Variants in LINGO2 observed in about 807,000 individuals in gnomAD.
LINGO2 encodes the protein leucine-rich repeat and immunoglobulin-like domain-containing nogo receptor-interacting protein 2.
Under a neutral mutation model 30.6 loss-of-function variants are expected in LINGO2, and 14 were observed. That is an observed-to-expected ratio of 0.46 (90% CI 0.30 to 0.72). The LOEUF (loss-of-function observed/expected upper bound fraction) is 0.72, where lower values mean the gene tolerates loss of function less well. Ranked by LOEUF, LINGO2 falls within the 30% of genes least tolerant of loss-of-function variation. The pLI, the probability that LINGO2 is intolerant of heterozygous loss-of-function variation, is 0.07. For synonymous variants in LINGO2, 317 were observed against 288.5 expected, an observed-to-expected ratio of 1.10 and a Z score of -1.00; for missense variants, 729 against 751.7, an observed-to-expected ratio of 0.97 and a Z score of 0.35.
chr9:28,382,161 G>T (rs2134635304), intron 2 of LINGO2, among the ~76,000 whole-genome samples: 1 of 152,136 alleles, frequency 6.6e-6, no homozygotes, highest in African/African-American at 2.4e-5. Context: ...GTAATAGATA[G>T]TACTTGGCAT....
intron 5 of LINGO2, among the ~76,000 whole-genome samples, chr9:27,985,857 T>C (rs138274471): frequency 1.5e-3 from 226 of 151,858 alleles, no homozygotes; most frequent in African/African-American, 5.3e-3. Context: ...AAAATTGCAA[T>C]GGTGAGAGGT....
At chr9:28,483,510 C>T (rs529912014) in intron 1 of LINGO2, among the ~76,000 whole-genome samples, 2 of 150,726 alleles carry the variant, frequency 1.3e-5, no homozygotes, top group African/African-American at 4.9e-5. Flanking sequence ...CTGTTTTAAA[C>T]CTAAATATGA....
At position 28,144,867 on chromosome 9, in the gene LINGO2, T is replaced by C. The variant is rs781754096; in HGVS notation, c.-86-132462A>G. Among the ~76,000 whole-genome samples the C allele has an allele frequency of 2.3e-4, 35 of 152,356 alleles. No individual in the cohort carries two copies. The Middle Eastern group carries it at 0.01, about 44-fold the overall frequency. ...ATGTAAAGAAGATTGAGATCAGTGA[T>C]TGAGTTGCATCCCAGTTACAAAAAC... On this transcript the variant is annotated intron_variant, in intron 4 of 5. Transcript: ENST00000379992.
At chr9:28,414,475 A>AG (rs1271954256) in intron 2 of LINGO2, among the ~76,000 whole-genome samples, 28 of 152,242 alleles carry the variant, frequency 1.8e-4, no homozygotes, top group African/African-American at 6.3e-4. Context: ...GAGAGCATTG[A>AG]GGGGCTGATA....
the LINGO2 span, among the ~76,000 whole-genome samples, chr9:29,030,734 G>T: frequency 6.6e-6 from 1 of 152,084 alleles, no homozygotes; most frequent in African/African-American, 2.4e-5. Context: ...CCACTGTAAA[G>T]ATTTTTTTCC....
intron 2 of LINGO2, among the ~76,000 whole-genome samples, chr9:28,427,333 G>A (rs552826837): frequency 1.3e-5 from 2 of 152,172 alleles, no homozygotes; most frequent in Middle Eastern, 3.4e-3. Flanking sequence ...TCTCACACAT[G>A]TTCCTGCTTA....
At chr9:28,350,867 A>T (rs1270760435) in intron 3 of LINGO2, among the ~76,000 whole-genome samples, 1 of 151,862 alleles carries the variant, frequency 6.6e-6, no homozygotes. Context: ...GCTCAAATAC[A>T]TGGAAACTGA....
the LINGO2 span, among the ~76,000 whole-genome samples, chr9:28,726,525 C>A: frequency 3.3e-5 from 5 of 152,106 alleles, no homozygotes; most frequent in Non-Finnish European, 5.9e-5. Context: ...CAACAGACTA[C>A]TGAATATTGC....
the LINGO2 span, among the ~76,000 whole-genome samples, chr9:29,179,779 G>A: frequency 2.0e-5 from 3 of 152,052 alleles, no homozygotes; most frequent in Admixed American, 6.5e-5. Context: ...GTATATTTTT[G>A]CAGTATATTT....
downstream of LINGO2, among the ~76,000 whole-genome samples, chr9:27,947,448 GA>G (rs1007213720): frequency 8.7e-4 from 132 of 151,756 alleles, no homozygotes; most frequent in African/African-American, 2.9e-3. Context: ...CCTCAGTGGA[GA>G]AAAAAAACAC....
the LINGO2 span, among the ~76,000 whole-genome samples, chr9:28,985,920 TAA>T: frequency 6.6e-6 from 1 of 151,958 alleles, no homozygotes; most frequent in East Asian, 1.9e-4. Flanking sequence ...GGGGGTCAAA[TAA>T]AAAAAGTTAC....
chr9:28,753,089 C>T, the LINGO2 span, among the ~76,000 whole-genome samples: 1 of 151,222 alleles, frequency 6.6e-6, no homozygotes, highest in Non-Finnish European at 1.5e-5. Context: ...CTTTTTCATT[C>T]TGTGGCTTAA....
At chr9:28,207,668 G>A (rs566516961) in intron 4 of LINGO2, among the ~76,000 whole-genome samples, 22 of 151,972 alleles carry the variant, frequency 1.4e-4, no homozygotes, top group African/African-American at 4.4e-4. Context: ...AGGTACCTAC[G>A]TTTGAAGTTT....
chr9:28,220,772 G>A (rs1820930500), intron 4 of LINGO2, among the ~76,000 whole-genome samples: 1 of 152,020 alleles, frequency 6.6e-6, no homozygotes, highest in Admixed American at 6.6e-5. Context: ...CAGAAAAATT[G>A]AGGTGTAGAT....
the LINGO2 span, among the ~76,000 whole-genome samples, chr9:28,939,349 T>C: frequency 1.3e-5 from 2 of 152,196 alleles, no homozygotes; most frequent in Non-Finnish European, 2.9e-5. Context: ...TCTCCTGTTA[T>C]AAAGCCTTTA....
At chr9:28,078,535 C>A (rs1479694373) in intron 4 of LINGO2, among the ~76,000 whole-genome samples, 2 of 148,350 alleles carry the variant, frequency 1.3e-5, no homozygotes, top group African/African-American at 5.3e-5. Context: ...GTTATATTGA[C>A]CTTGCTTTAT....
intron 4 of LINGO2, among the ~76,000 whole-genome samples, chr9:28,111,401 A>C (rs1587007305): frequency 6.6e-6 from 1 of 152,170 alleles, no homozygotes; most frequent in African/African-American, 2.4e-5. Flanking sequence ...GTTAAAGTAA[A>C]ATAAAAATTA....
intron 1 of LINGO2, among the ~76,000 whole-genome samples, chr9:28,514,822 T>C (rs1025958551): frequency 2.6e-5 from 4 of 152,178 alleles, no homozygotes; most frequent in Non-Finnish European, 5.9e-5. Flanking sequence ...TAGCCTTCAA[T>C]GTAGACAAAA....
chr9:27,999,466 G>GAGAGAGAGAT (rs2119120693), intron 5 of LINGO2, among the ~76,000 whole-genome samples: 1 of 151,236 alleles, frequency 6.6e-6, no homozygotes, highest in African/African-American at 2.4e-5. Flanking sequence ...GAGAGAGAGA[G>GAGAGAGAGAT]AGAGAGTCTG....
Sources: gnomAD v4.1 joint callset for allele counts (sites outside exome capture counted in the v4.1 genomes callset) on GRCh38, gnomAD v4.1.1 for gene constraint, MANE v1.5 for transcripts, NCBI Gene and HGNC (gene_info 2026-07-23, HGNC 2026-07-21) for gene names.